Variants in CSNK1G3 observed in about 807,000 individuals in gnomAD.
CSNK1G3 encodes the protein casein kinase I isoform gamma-3.
CSNK1G3 carries 23 observed loss-of-function variants against 64.3 expected under a neutral mutation model. That is an observed-to-expected ratio of 0.36 (90% confidence interval 0.26 to 0.51). The LOEUF (loss-of-function observed/expected upper bound fraction) is 0.51, where lower values mean the gene tolerates loss of function less well. Among genes scored for constraint, CSNK1G3 ranks in the 20% least tolerant of loss-of-function variants. The pLI is 0.96. For synonymous variants in CSNK1G3, 158 were observed against 162.2 expected, an observed-to-expected ratio of 0.97 and a Z score of 0.20; for missense variants, 357 against 510.5, an observed-to-expected ratio of 0.70 and a Z score of 2.90.
At chr5:123,576,943 C>T (rs930277251) in intron 6 of CSNK1G3, among the ~76,000 whole-genome samples, 1 of 152,064 alleles carries the variant, frequency 6.6e-6, no homozygotes, top group African/African-American at 2.4e-5. Context: ...ATTCTAATGT[C>T]AGCAGAAGCT....
intron 10 of CSNK1G3, among the ~76,000 whole-genome samples, chr5:123,600,903 CTT>C (rs376563590): frequency 1.7e-4 from 23 of 138,244 alleles, no homozygotes; most frequent in African/African-American, 1.8e-4. Flanking sequence ...GTCTAGTTGC[CTT>C]TTTTTTTTTT....
chr5:123,524,146 A>G (rs1010947292), intron 1 of CSNK1G3, among the ~76,000 whole-genome samples: 14 of 152,206 alleles, frequency 9.2e-5, no homozygotes, highest in Non-Finnish European at 1.2e-4. Flanking sequence ...TCTTGTAAAT[A>G]TATAAATGCA....
At position 123,545,848 on chromosome 5, in the gene CSNK1G3, C is replaced by G; in HGVS notation, c.178+7C>G. ...TTTGGAGAATTACGATTAGGTAAGACTATTTTGTTTATTCCATTATGTTAG... is the reference window on the plus strand; with the variant it reads ...TTTGGAGAATTACGATTAGGTAAGAGTATTTTGTTTATTCCATTATGTTAG... On this transcript the variant is annotated splice_region_variant and intron_variant, in intron 2 of 12. Transcript: ENST00000345990. The G allele has an allele frequency of 1.9e-6, 3 of 1,607,364 alleles. No individual in the cohort carries two copies. Among genetic ancestry groups the G allele is most frequent in the Non-Finnish European group, 2.6e-6 (3 of 1,174,288 alleles).
At chr5:123,526,162 C>A (rs910711662) in intron 1 of CSNK1G3, among the ~76,000 whole-genome samples, 3 of 151,980 alleles carry the variant, frequency 2.0e-5, no homozygotes, top group Admixed American at 1.3e-4. Context: ...CTCAGCCCCC[C>A]ACATTGCCAG....
At chr5:123,568,967 C>T (rs769229083) in intron 4 of CSNK1G3, among the ~76,000 whole-genome samples, 8 of 152,106 alleles carry the variant, frequency 5.3e-5, no homozygotes, top group East Asian at 1.9e-4. Flanking sequence ...TATAACATGA[C>T]GACATTTAAG....
intron 10 of CSNK1G3, among the ~76,000 whole-genome samples, chr5:123,591,740 T>C (rs935935033): frequency 6.6e-6 from 1 of 152,066 alleles, no homozygotes. Context: ...ATTTATTGAA[T>C]TTCTGCTATT....
At chr5:123,604,665 T>A in intron 10 of CSNK1G3, 59 bp from the exon 12 acceptor site, 3 of 806,638 alleles carry the variant, frequency 3.7e-6, no homozygotes, top group Admixed American at 4.7e-5. Flanking sequence ...AATATGTATG[T>A]ATATTTATGA....
intron 6 of CSNK1G3, among the ~76,000 whole-genome samples, chr5:123,577,129 G>C (rs1376636619): frequency 1.3e-5 from 2 of 152,010 alleles, no homozygotes; most frequent in Admixed American, 6.6e-5. Flanking sequence ...ATGTTCTCAT[G>C]AATCTTTGAG....
intron 10 of CSNK1G3, among the ~76,000 whole-genome samples, chr5:123,593,784 A>AAG (rs1792891687): frequency 6.6e-6 from 1 of 152,046 alleles, no homozygotes; most frequent in African/African-American, 2.4e-5. Context: ...GCATTGTACA[A>AAG]TTTAGGAAGC....
intron 1 of CSNK1G3, among the ~76,000 whole-genome samples, chr5:123,538,580 G>A (rs562637411): frequency 6.6e-6 from 1 of 152,198 alleles, no homozygotes; most frequent in East Asian, 1.9e-4. Flanking sequence ...GGGGCCTGTC[G>A]GGGAGTGGGG....
chr5:123,534,350 A>G (rs1028722688), intron 1 of CSNK1G3, among the ~76,000 whole-genome samples: 2 of 152,066 alleles, frequency 1.3e-5, no homozygotes, highest in African/African-American at 4.8e-5. Context: ...GTTCTTTATA[A>G]TATAAAGAGG....
chr5:123,592,034 A>G (rs774594538), intron 10 of CSNK1G3, among the ~76,000 whole-genome samples: 5 of 152,040 alleles, frequency 3.3e-5, no homozygotes, highest in Non-Finnish European at 7.4e-5. Flanking sequence ...TGTTATTATT[A>G]TTACAATAAA....
In CSNK1G3 at chr5:123,588,324, G is replaced by A; in HGVS notation, c.760-103G>A. The A allele has an allele frequency of 9.0e-6, 10 of 1,111,938 alleles. No individual in the cohort carries two copies. The South Asian group carries it at 9.0e-5, about 10-fold the overall frequency. 68.9% of individuals were successfully genotyped at this position (1,111,938 alleles called of 1,614,324 possible). Reference sequence around the variant, plus strand: ...ACTCCTGGGCTCAAGCATTCCTTCTGCCTTGGCCTTCCAAAGCTCTGTGAT... The same window carrying A: ...ACTCCTGGGCTCAAGCATTCCTTCTACCTTGGCCTTCCAAAGCTCTGTGAT... On this transcript the variant is annotated intron_variant, in intron 7 of 12. Coordinates refer to ENST00000345990, the Ensembl canonical transcript of CSNK1G3.
Position 123,609,280 on chromosome 5 carries a change from T to G in CSNK1G3, c.1217+3918T>G, listed in dbSNP as rs2151216437. ...TGATCAGGTTGATCCTTAGGAAAAT[T>G]AATTTGGCAGCAGTTATGAGGCTTA... On this transcript the variant is annotated intron_variant, in intron 12 of 12. Transcript: ENST00000345990. 2.0e-5 allele frequency among the ~76,000 whole-genome samples: 3 copies of G among 152,268 alleles called. No homozygotes were observed. The Middle Eastern group carries it at 0.01, about 518-fold the overall frequency.
At chr5:123,526,408 G>T (rs1219010620) in intron 1 of CSNK1G3, among the ~76,000 whole-genome samples, 2 of 151,784 alleles carry the variant, frequency 1.3e-5, no homozygotes, top group Non-Finnish European at 2.9e-5. Flanking sequence ...TTATTAGTGG[G>T]TGGCCAGACA....
At chr5:123,518,868 T>C (rs1777619228) in intron 1 of CSNK1G3, among the ~76,000 whole-genome samples, 1 of 152,184 alleles carries the variant, frequency 6.6e-6, no homozygotes, top group Admixed American at 6.5e-5. Flanking sequence ...GAAGCGATTC[T>C]CGTGCTTCAG....
chr5:123,516,351 T>C (rs1000012535), intron 1 of CSNK1G3, among the ~76,000 whole-genome samples: 19 of 152,184 alleles, frequency 1.2e-4, no homozygotes, highest in Non-Finnish European at 2.2e-4. Flanking sequence ...GCATCTGAAC[T>C]GCTCAGGAAA....
chr5:123,576,359 G>A (rs906468535), intron 6 of CSNK1G3, among the ~76,000 whole-genome samples: 1 of 152,124 alleles, frequency 6.6e-6, no homozygotes, highest in South Asian at 2.1e-4. Context: ...CACAGAAATA[G>A]CAACTAGCCT....
chr5:123,546,889 C>G (rs908348992), intron 2 of CSNK1G3, among the ~76,000 whole-genome samples: 4 of 152,054 alleles, frequency 2.6e-5, no homozygotes, highest in African/African-American at 9.7e-5. Context: ...ATAGTTTATA[C>G]ATACTTGTTA....
Sources: gnomAD v4.1 joint callset for allele counts (sites outside exome capture counted in the v4.1 genomes callset) on GRCh38, gnomAD v4.1.1 for gene constraint, MANE v1.5 for transcripts, NCBI Gene and HGNC (gene_info 2026-07-23, HGNC 2026-07-21) for gene names.